Variants in NAT1 observed in about 807,000 individuals in gnomAD.
NAT1 encodes N-acetyltransferase 1.
For missense variants in NAT1, 400 were observed against 339.2 expected (o/e 1.18, Z -1.41); for synonymous variants, 144 against 122.6 (o/e 1.17, Z -1.16).
chr8:18,190,966 C>T (rs1358738513), intron 2 of NAT1, among the ~76,000 whole-genome samples: 2 of 151,796 alleles, frequency 1.3e-5, no homozygotes, highest in African/African-American at 4.8e-5. Context: ...ACACGGGAGG[C>T]TGAGGCAGGA....
intron 2 of NAT1, among the ~76,000 whole-genome samples, chr8:18,183,868 C>T (rs1156235238): frequency 6.6e-6 from 1 of 152,160 alleles, no homozygotes; most frequent in Non-Finnish European, 1.5e-5. Flanking sequence ...ACTCTATGGC[C>T]TGCCTTTCAG....
At chr8:18,218,797 A>C (rs1204805211) in intron 1 of NAT1, among the ~76,000 whole-genome samples, 1 of 152,120 alleles carries the variant, frequency 6.6e-6, no homozygotes, top group African/African-American at 2.4e-5. Context: ...CCTTTGGCTA[A>C]ATGAGTTTCG....
At chr8:18,209,153 A>G (rs1803867815), upstream of NAT1, among the ~76,000 whole-genome samples, 1 of 152,190 alleles carries the variant, frequency 6.6e-6, no homozygotes, top group Admixed American at 6.5e-5. Context: ...CCAACTCCCA[A>G]CATCCTGGGC....
intron 2 of NAT1, among the ~76,000 whole-genome samples, chr8:18,203,156 C>G (rs1295456261): frequency 6.6e-6 from 1 of 152,232 alleles, no homozygotes; most frequent in Non-Finnish European, 1.5e-5. Context: ...TGTCATATGT[C>G]TGTATGTTTA....
chr8:18,192,999 A>T (rs1037968288), intron 2 of NAT1, among the ~76,000 whole-genome samples: 20 of 145,870 alleles, frequency 1.4e-4, no homozygotes, highest in African/African-American at 3.7e-4. Context: ...ATAATAATAA[A>T]AAATAAAATA....
intron 2 of NAT1, among the ~76,000 whole-genome samples, chr8:18,186,744 A>G (rs941300185): frequency 2.6e-5 from 4 of 152,154 alleles, no homozygotes; most frequent in African/African-American, 9.7e-5. Flanking sequence ...ACAGATCGCA[A>G]CATGCCCCTT....
intron 2 of NAT1, among the ~76,000 whole-genome samples, chr8:18,180,734 C>T (rs897356787): frequency 1.3e-5 from 2 of 151,996 alleles, no homozygotes; most frequent in Non-Finnish European, 2.9e-5. Context: ...CATTATACAA[C>T]ATATATATAT....
chr8:18,205,733 A>G (rs926921704), upstream of NAT1, among the ~76,000 whole-genome samples: 1 of 152,190 alleles, frequency 6.6e-6, no homozygotes, highest in Non-Finnish European at 1.5e-5. Context: ...GAGAGGGTGC[A>G]TGCAGGCTGG....
intron 2 of NAT1, among the ~76,000 whole-genome samples, chr8:18,174,265 A>G (rs1802206292): frequency 6.6e-6 from 1 of 152,158 alleles, no homozygotes; most frequent in African/African-American, 2.4e-5. Flanking sequence ...TATATCCACC[A>G]TCACTGATTA....
chr8:18,207,671 T>C (rs1290203019), upstream of NAT1, among the ~76,000 whole-genome samples: 2 of 152,190 alleles, frequency 1.3e-5, no homozygotes, highest in African/African-American at 4.8e-5. Flanking sequence ...TTGGTGGGAA[T>C]GTAAGTTAGT....
At chr8:18,189,412 C>G (rs73571945) in intron 2 of NAT1, among the ~76,000 whole-genome samples, 3,925 of 151,996 alleles carry the variant, frequency 0.026, 113 homozygotes, top group Middle Eastern at 0.078. Context: ...GAAAAGAGAG[C>G]AATACTCTGG....
chr8:18,205,954 T>C (rs28741070), upstream of NAT1, among the ~76,000 whole-genome samples: 2,029 of 152,272 alleles, frequency 0.013, 50 homozygotes, highest in African/African-American at 0.046. Context: ...CTGACAGTTC[T>C]CCAAGGGCTA....
intron 2 of NAT1, among the ~76,000 whole-genome samples, chr8:18,203,205 T>A (rs1470372727): frequency 6.6e-6 from 1 of 152,190 alleles, no homozygotes; most frequent in African/African-American, 2.4e-5. Context: ...CCCAAATATA[T>A]GAAAGAGCTC....
At chr8:18,191,528 C>T (rs1033668001) in intron 2 of NAT1, among the ~76,000 whole-genome samples, 11 of 151,844 alleles carry the variant, frequency 7.2e-5, no homozygotes, top group East Asian at 3.9e-4. Flanking sequence ...GAGCCCGCAT[C>T]GCCAAGTCAA....
At chr8:18,204,328 C>G (rs1803615079) in intron 2 of NAT1, among the ~76,000 whole-genome samples, 1 of 152,166 alleles carries the variant, frequency 6.6e-6, no homozygotes, top group South Asian at 2.1e-4. Flanking sequence ...ACAGCCTTCA[C>G]TTGGGTGTAC....
rs1332867518 is a variant in NAT1 at position 18,222,719 on chromosome 8, C to A, written c.672C>A (p.Ser224=). The change falls in exon 3 of 3, where the codon TCC becomes TCA. Residue 224 remains serine (S), a synonymous_variant. Coordinates refer to ENST00000307719, the MANE Select transcript of NAT1 (RefSeq NM_000662.8). The part of the protein sequence containing the change: ...SSVFTSKSFC[S]LQTPDGVHCL... ...TGTTTACTAGTAAATCATTTTGTTC[C>A]TTGCAGACCCCAGATGGGGTTCACT... is the stretch of plus-strand genomic sequence containing the variant. The A allele has an allele frequency of 6.2e-7, 1 of 1,613,874 alleles. No individual in the cohort carries two copies. The highest frequency in any genetic ancestry group is 8.5e-7 in the Non-Finnish European group (1 of 1,179,972).
chr8:18,181,467 G>A (rs1326604862), intron 2 of NAT1, among the ~76,000 whole-genome samples: 2 of 152,058 alleles, frequency 1.3e-5, no homozygotes, highest in Non-Finnish European at 2.9e-5. Context: ...AGTTTTTTGT[G>A]GAGTCCTTAC....
chr8:18,199,875 C>A (rs1368878400), intron 2 of NAT1, among the ~76,000 whole-genome samples: 1 of 152,124 alleles, frequency 6.6e-6, no homozygotes, highest in African/African-American at 2.4e-5. Flanking sequence ...AGACACTTTT[C>A]AAAAGAAGAC....
intron 2 of NAT1, among the ~76,000 whole-genome samples, chr8:18,220,402 C>G (rs1237422652): frequency 1.3e-5 from 2 of 152,116 alleles, no homozygotes; most frequent in East Asian, 1.9e-4. Flanking sequence ...CGGGGCAGGT[C>G]CCTTTGTACA....
Sources: allele counts gnomAD v4.1 joint callset (sites outside exome capture counted in the v4.1 genomes callset), GRCh38; gene constraint gnomAD v4.1.1; transcripts MANE v1.5; gene names NCBI Gene and HGNC (gene_info 2026-07-23, HGNC 2026-07-21).